The following LRRFIP2 variants were observed in gnomAD, a reference collection of about 807,000 sequenced individuals.
LRRFIP2 encodes the protein leucine-rich repeat flightless-interacting protein 2.
LRRFIP2 carries 109 observed loss-of-function variants against 125.9 expected under a neutral mutation model. The observed-to-expected ratio is 0.87, with a 90% CI of 0.74 to 1.01. LRRFIP2 has a LOEUF of 1.01. Ranked by LOEUF, LRRFIP2 falls within the 50% of genes least tolerant of loss-of-function variation. The pLI is 0.00. For synonymous variants in LRRFIP2, 291 were observed against 293.1 expected (o/e 0.99, Z 0.07); for missense variants, 850 against 862.3 (o/e 0.99, Z 0.18).
chr3:37,091,441 T>C, intron 18 of LRRFIP2, 26 bp downstream of exon 18: 1 of 1,590,208 alleles, frequency 6.3e-7, no homozygotes, highest in Non-Finnish European at 8.6e-7. Context: ...CAGAGCATGC[T>C]TGGGCTGCAG....
rs1457896978 is a variant in LRRFIP2 at position 37,054,499 on chromosome 3, C to A, written c.1967G>T (p.Gly656Val). The stretch of plus-strand genomic sequence containing the variant: ...AGCAGTTTTATATCTCAGAACCTGT[C>A]CCTCAAGCCGGCTAATCTGTAAGTA... Reference protein sequence around the residue: ...TLEQSISRLEGQVLRYKTAAE... With the variant: ...TLEQSISRLEVQVLRYKTAAE... The change falls in exon 27 of 28, where the codon GGA becomes GTA. Residue 656 changes from glycine to valine, a missense_variant. By Grantham distance (109) the Gly-to-Val change is moderately radical (BLOSUM62 -3). Transcript: ENST00000336686. The A allele has an allele frequency of 6.2e-7, 1 of 1,613,620 alleles. No homozygotes were observed. The highest frequency in any genetic ancestry group is 1.1e-5 in the South Asian group (1 of 91,008).
rs541348431 is a variant in LRRFIP2 at position 37,075,829 on chromosome 3, G to A, written c.1279-713C>T. 4.6e-5 allele frequency among the ~76,000 whole-genome samples: 7 copies of A among 152,208 alleles called. No homozygotes were observed. In the East Asian group the frequency reaches 1.2e-3, roughly 25 times the overall value. On this transcript the variant is annotated intron_variant, in intron 19 of 27. Coordinates refer to ENST00000336686, the MANE Select transcript of LRRFIP2 (RefSeq NM_006309.4). ...AAGCTTCTATAATTAAAACAATGTT[G>A]TTATGGCACATGAATATAGACCAAG...
chr3:37,055,665 A>G (rs1307466953), intron 25 of LRRFIP2, among the ~76,000 whole-genome samples: 5 of 152,348 alleles, frequency 3.3e-5, no homozygotes, highest in Middle Eastern at 6.8e-3. Flanking sequence ...ATGCTCTAGC[A>G]TATATGTTAC....
chr3:37,057,669 A>G (rs2087299120), intron 25 of LRRFIP2, among the ~76,000 whole-genome samples: 1 of 151,986 alleles, frequency 6.6e-6, no homozygotes, highest in Non-Finnish European at 1.5e-5. Flanking sequence ...GCCTGGCCCC[A>G]ACATGTCTTT....
intron 21 of LRRFIP2, among the ~76,000 whole-genome samples, chr3:37,070,533 C>T (rs558332869): frequency 9.3e-4 from 141 of 151,608 alleles, no homozygotes; most frequent in African/African-American, 3.3e-3. Context: ...GTCAGGAGTT[C>T]GAGACCAGCC....
intron 21 of LRRFIP2, chr3:37,066,957 T>C (rs1295666158): frequency 6.6e-6 from 1 of 152,340 alleles, no homozygotes; most frequent in East Asian, 1.9e-4. Context: ...TTTGGCTTTC[T>C]GTTATACTCC....
In LRRFIP2 at chr3:37,064,647, C is replaced by A. The variant is rs370435760; in HGVS notation, c.1700-856G>T. 4.4e-4 allele frequency: 66 copies of A among 150,612 alleles called. 1 individual carries two copies. Among genetic ancestry groups the A allele is most frequent in the African/African-American group, 1.5e-3 (60 of 40,758 alleles). The allele number at this position is 150,612 out of a possible 1,614,324, so 9.3% of individuals were successfully genotyped here. On this transcript the variant is annotated intron_variant, in intron 23 of 27. Coordinates refer to ENST00000336686, the MANE Select transcript of LRRFIP2 (RefSeq NM_006309.4). ...GTAGATCTGCGGCTTGGTGGCAGCA[C>A]CATTAGGGCTCACTCCTAGCCTGTG... is the stretch of plus-strand genomic sequence containing the variant.
Position 37,069,157 on chromosome 3 carries a change from A to G in LRRFIP2, c.1465-2832T>C, listed in dbSNP as rs1052513154. 4.6e-5 allele frequency among the ~76,000 whole-genome samples: 7 copies of G among 152,214 alleles called. No homozygotes were observed. The East Asian group carries it at 1.3e-3, about 29-fold the overall frequency. On this transcript the variant is annotated intron_variant, in intron 21 of 27. Coordinates refer to ENST00000336686, the MANE Select transcript of LRRFIP2 (RefSeq NM_006309.4). ...TAGTGGTGGGAATGTAAAATGGTAC[A>G]TCTGCTACAGAACACAGTATAACTG...
intron 8 of LRRFIP2, 126 bp from the exon 9 acceptor site, chr3:37,111,191 GT>G (rs1284585028): frequency 3.2e-6 from 2 of 627,698 alleles, no homozygotes; most frequent in Admixed American, 6.1e-5. Flanking sequence ...TCTCCAAAAT[GT>G]TTTTAAATCA....
chr3:37,101,181 C>T (rs2094018959), intron 15 of LRRFIP2, among the ~76,000 whole-genome samples: 2 of 151,412 alleles, frequency 1.3e-5, no homozygotes. Context: ...GATGGTGAAA[C>T]CCCGTCTCTA....
At chr3:37,126,948 T>C in intron 4 of LRRFIP2, among the ~76,000 whole-genome samples, 1 of 152,078 alleles carries the variant, frequency 6.6e-6, no homozygotes, top group Non-Finnish European at 1.5e-5. Flanking sequence ...AATTACAGAC[T>C]ACTTTGAGAA....
At chr3:37,149,714 GACA>G (rs1277300720) in intron 1 of LRRFIP2, among the ~76,000 whole-genome samples, 3 of 151,964 alleles carry the variant, frequency 2.0e-5, no homozygotes, top group Admixed American at 1.3e-4. Context: ...ATTAAACCAT[GACA>G]ACGTCAGGCA....
chr3:37,175,107 T>A (rs2096639982), upstream of LRRFIP2: 1 of 152,210 alleles, frequency 6.6e-6, no homozygotes, highest in South Asian at 2.1e-4. Flanking sequence ...CAAAATAAAA[T>A]GTTATCTTGA....
intron 2 of LRRFIP2, among the ~76,000 whole-genome samples, chr3:37,142,269 G>A (rs1261370770): frequency 2.0e-5 from 3 of 150,810 alleles, no homozygotes; most frequent in African/African-American, 7.3e-5. Context: ...CTCCTGAGTA[G>A]CTGGAACTAC....
chr3:37,132,291 C>T (rs2095447144), intron 2 of LRRFIP2, among the ~76,000 whole-genome samples: 1 of 152,138 alleles, frequency 6.6e-6, no homozygotes, highest in Admixed American at 6.5e-5. Context: ...TAAATTGTAC[C>T]TGAAGCCTCC....
Position 37,053,865 on chromosome 3 carries a change from G to C in LRRFIP2, c.2152C>G (p.Leu718Val), listed in dbSNP as rs770285844. ...EKMKANRTALLAQQ is the reference protein window; with the variant it reads ...EKMKANRTALVAQQ The stretch of plus-strand genomic sequence containing the variant: ...GGGTGGTTTTCCTACTGCTGGGCCA[G>C]AAGTGCTGTCCTATTGGCCTTCATC... Residue 718 changes from leucine to valine, a missense_variant, in exon 28 of 28, where the codon CTG (leucine) becomes GTG (valine). Transcript: ENST00000336686. 1 of 1,613,632 alleles carries C rather than the reference G, an allele frequency of 6.2e-7. No individual in the cohort carries two copies. The highest frequency in any genetic ancestry group is 1.1e-5 in the South Asian group (1 of 91,076).
intron 25 of LRRFIP2, 55 bp from the exon 26 acceptor site, chr3:37,055,220 G>T: frequency 2.8e-6 from 3 of 1,072,880 alleles, no homozygotes; most frequent in Non-Finnish European, 4.1e-6. Flanking sequence ...GACAGTATGA[G>T]CCATCAGGCA....
intron 1 of LRRFIP2, among the ~76,000 whole-genome samples, chr3:37,153,079 T>C (rs1197255952): frequency 6.6e-6 from 1 of 152,166 alleles, no homozygotes; most frequent in African/African-American, 2.4e-5. Flanking sequence ...TCTCTAAAAT[T>C]TCAATAGCAT....
intron 4 of LRRFIP2, among the ~76,000 whole-genome samples, chr3:37,122,354 A>G (rs1559945705): frequency 6.6e-6 from 1 of 152,138 alleles, no homozygotes. Flanking sequence ...TTCCTATTTT[A>G]TCAGGCGTAT....
Sources: gnomAD v4.1 joint callset for allele counts (sites outside exome capture counted in the v4.1 genomes callset) on GRCh38, gnomAD v4.1.1 for gene constraint, MANE v1.5 for transcripts, NCBI Gene and HGNC (gene_info 2026-07-23, HGNC 2026-07-21) for gene names.